SCMH1: variants seen among roughly 807,000 people sequenced by gnomAD.
SCMH1 encodes the protein polycomb protein SCMH1.
SCMH1 carries 37 observed loss-of-function variants against 70.8 expected under a neutral mutation model. That is an observed-to-expected ratio of 0.52 (90% CI 0.40 to 0.69). The LOEUF is 0.69. SCMH1 is among the 30% of genes least tolerant of loss of function. The pLI, the probability that SCMH1 is intolerant of heterozygous loss-of-function variation, is 0.00. For missense variants in SCMH1, 607 were observed against 827.3 expected (o/e 0.73, Z 3.27); for synonymous variants, 292 against 307.4 (o/e 0.95, Z 0.52).
intron 8 of SCMH1, among the ~76,000 whole-genome samples, chr1:41,077,831 G>T (rs1658800587): frequency 6.6e-6 from 1 of 152,122 alleles, no homozygotes; most frequent in Non-Finnish European, 1.5e-5. Flanking sequence ...AGCCTCAATA[G>T]TTCTTTTAAT....
At chr1:41,148,960 T>G (rs1161022747) in intron 5 of SCMH1, among the ~76,000 whole-genome samples, 2 of 151,996 alleles carry the variant, frequency 1.3e-5, no homozygotes, top group African/African-American at 4.8e-5. Flanking sequence ...CCGGCTAATT[T>G]TTTTGTATTT....
intron 4 of SCMH1, among the ~76,000 whole-genome samples, chr1:41,157,024 A>G (rs1250739351): frequency 1.4e-5 from 2 of 146,108 alleles, no homozygotes; most frequent in African/African-American, 5.1e-5. Flanking sequence ...TGGCACAATC[A>G]TATCTCACTG....
At chr1:41,107,939 T>TA (rs1668400011) in intron 8 of SCMH1, among the ~76,000 whole-genome samples, 1 of 152,126 alleles carries the variant, frequency 6.6e-6, no homozygotes, top group Non-Finnish European at 1.5e-5. Flanking sequence ...ACTTTCCAAA[T>TA]AAAAAAAGGA....
In SCMH1 at chr1:41,136,074, G is replaced by C. The variant is rs1643263929; in HGVS notation, c.412+6804C>G. 2.6e-5 allele frequency among the ~76,000 whole-genome samples: 4 copies of C among 151,874 alleles called. No homozygotes were observed. In the South Asian group the frequency reaches 8.3e-4, roughly 31 times the overall value. On this transcript the variant is annotated intron_variant, in intron 6 of 14. Coordinates refer to ENST00000337495, the Ensembl canonical transcript of SCMH1. ...TCCTTCCACCTCAGCCTCCCAAGTA[G>C]CTGGGACTATGGGCGTGAGCCACCA...
chr1:41,186,986 C>A (rs1650396445), intron 1 of SCMH1, among the ~76,000 whole-genome samples: 1 of 152,276 alleles, frequency 6.6e-6, no homozygotes, highest in African/African-American at 2.4e-5. Flanking sequence ...TGTAGCAATT[C>A]TTTGGGAGTA....
intron 12 of SCMH1, among the ~76,000 whole-genome samples, chr1:41,044,076 C>A (rs543238107): frequency 6.6e-6 from 1 of 152,248 alleles, no homozygotes; most frequent in Non-Finnish European, 1.5e-5. Context: ...GTAGTAGTCT[C>A]AACTTAGGTA....
At chr1:41,134,623 T>C (rs1377325273) in intron 6 of SCMH1, among the ~76,000 whole-genome samples, 1 of 152,222 alleles carries the variant, frequency 6.6e-6, no homozygotes, top group African/African-American at 2.4e-5. Flanking sequence ...TACCAGTGTC[T>C]ATTGAAGAGC....
At chr1:41,197,535 T>C (rs1356331506) in intron 1 of SCMH1, among the ~76,000 whole-genome samples, 1 of 152,094 alleles carries the variant, frequency 6.6e-6, no homozygotes, top group African/African-American at 2.4e-5. Context: ...ACCAGGGAAC[T>C]GGTGGAGAGA....
At chr1:41,112,183 A>G (rs2147846137) in intron 8 of SCMH1, among the ~76,000 whole-genome samples, 1 of 152,322 alleles carries the variant, frequency 6.6e-6, no homozygotes, top group African/African-American at 2.4e-5. Flanking sequence ...TCACCCAACT[A>G]GAATGGAGGT....
At chr1:41,197,740 C>G (rs1653374967) in intron 1 of SCMH1, among the ~76,000 whole-genome samples, 1 of 152,048 alleles carries the variant, frequency 6.6e-6, no homozygotes, top group Non-Finnish European at 1.5e-5. Flanking sequence ...TGTTTGAAAG[C>G]CTCATTCAAC....
chr1:41,209,124 G>T (rs1303240476), intron 1 of SCMH1, among the ~76,000 whole-genome samples: 2 of 152,128 alleles, frequency 1.3e-5, no homozygotes, highest in Admixed American at 1.3e-4. Context: ...AGAAGAAATG[G>T]ATAAATTCCT....
chr1:41,190,976 G>A (rs143315385), intron 1 of SCMH1, among the ~76,000 whole-genome samples: 6 of 152,276 alleles, frequency 3.9e-5, no homozygotes, highest in African/African-American at 1.2e-4. Context: ...CTGGACTCAC[G>A]CAATCCTCCC....
rs534216592 is a variant in SCMH1, at chr1:41,129,572, C to T, written c.413-12562G>A. ...TGAATAATATTCCCATTGCATCTCT[C>T]TCTCTTCCCCAGCCCCGCTCTCTTT... On this transcript the variant is annotated intron_variant, in intron 6 of 14. Coordinates refer to ENST00000337495, the Ensembl canonical transcript of SCMH1. Among the ~76,000 whole-genome samples the T allele has an allele frequency of 1.1e-4, 16 of 152,290 alleles. No individual in the cohort carries two copies. The South Asian group carries it at 2.1e-3, about 20-fold the overall frequency.
At chr1:41,157,852 C>T (rs879617893) in intron 4 of SCMH1, among the ~76,000 whole-genome samples, 1 of 152,168 alleles carries the variant, frequency 6.6e-6, no homozygotes, top group Non-Finnish European at 1.5e-5. Context: ...CATCATATCA[C>T]CATAATTATT....
intron 1 of SCMH1, among the ~76,000 whole-genome samples, chr1:41,198,940 A>G (rs942332387): frequency 6.6e-6 from 1 of 152,032 alleles, no homozygotes; most frequent in African/African-American, 2.4e-5. Context: ...AACTCCTCCA[A>G]CTACACCAAT....
intron 1 of SCMH1, among the ~76,000 whole-genome samples, chr1:41,187,811 TAC>T (rs750752718): frequency 3.5e-5 from 4 of 115,108 alleles, no homozygotes; most frequent in Admixed American, 8.7e-5. Flanking sequence ...ACCCCATCTC[TAC>T]AAAAAAAAAA....
chr1:41,211,494 G>A (rs1468069672), intron 1 of SCMH1, among the ~76,000 whole-genome samples: 1 of 152,104 alleles, frequency 6.6e-6, no homozygotes, highest in Non-Finnish European at 1.5e-5. Context: ...AGTTAGAATG[G>A]CGATTAAAAA....
Position 41,113,381 on chromosome 1 carries a change from C to G in SCMH1, c.647G>C (p.Gly216Ala). The G allele has an allele frequency of 1.2e-6, 2 of 1,614,014 alleles. No individual in the cohort carries two copies. Among genetic ancestry groups the G allele is most frequent in the Non-Finnish European group, 8.5e-7 (1 of 1,179,980 alleles). The change falls in exon 8 of 15, where the codon GGG becomes GCG. Residue 216 changes from glycine to alanine, a missense_variant. Coordinates refer to ENST00000337495, the Ensembl canonical transcript of SCMH1. This position sits in a 1 kb window ranked among gnomAD's most constrained non-coding sequence, Gnocchi z 4.3. ...GAAGCGGCACCAGTAGTCAAAGGCC[C>G]CTCGCCACCCATCAAAAGTGACAAG... is the stretch of plus-strand genomic sequence containing the variant.
intron 6 of SCMH1, among the ~76,000 whole-genome samples, chr1:41,140,448 A>G (rs1271122528): frequency 6.6e-6 from 1 of 152,010 alleles, no homozygotes; most frequent in African/African-American, 2.4e-5. Context: ...ACATGCCACA[A>G]CACCCAGCTA....
Sources: gnomAD v4.1 joint callset for allele counts (sites outside exome capture counted in the v4.1 genomes callset) on GRCh38, gnomAD v4.1.1 for gene constraint, Gnocchi (gnomAD v3.1) non-coding constraint, MANE v1.5 for transcripts, NCBI Gene and HGNC (gene_info 2026-07-23, HGNC 2026-07-21) for gene names.